FREM3: variants seen among roughly 807,000 people sequenced by gnomAD.
FREM3 encodes the protein FRAS1 related extracellular matrix 3, also known as FRAS1-related extracellular matrix protein 3.
Under a neutral mutation model 129.1 loss-of-function variants are expected in FREM3, and 105 were observed. The observed-to-expected ratio is 0.81, with a 90% CI of 0.69 to 0.96. The LOEUF is 0.96. Among genes scored for constraint, FREM3 ranks in the 40% least tolerant of loss-of-function variants. The probability of loss-of-function intolerance (pLI) is 0.00; values close to 1 mark genes in which losing one functional copy is unlikely to be tolerated. For synonymous variants in FREM3, 1,014 were observed against 1,044.9 expected, an observed-to-expected ratio of 0.97 and a Z score of 0.57; for missense variants, 2,593 against 2,666.3, an observed-to-expected ratio of 0.97 and a Z score of 0.61.
At position 143,700,263 on chromosome 4, in the gene FREM3, C is replaced by CG. The variant is rs1296140123; in HGVS notation, c.412dup (p.Arg138ProfsTer36). Reference sequence around the variant, plus strand: ...GTCGTAGCGCAGCTGCAGCAGCACCCGGGCGCGTCCGGGGCTGTGGGAGCC... The same window carrying CG: ...GTCGTAGCGCAGCTGCAGCAGCACCCGGGGCGCGTCCGGGGCTGTGGGAGCC... On this transcript the variant is annotated frameshift_variant, in exon 1 of 8. Coordinates refer to ENST00000329798, the MANE Select transcript of FREM3 (RefSeq NM_001168235.2). LOFTEE classifies it high-confidence loss of function. 1.3e-6 allele frequency: 2 copies of CG among 1,536,202 alleles called. No homozygotes were observed. Among genetic ancestry groups the CG allele is most frequent in the South Asian group, 2.4e-5 (2 of 84,006 alleles).
At chr4:143,613,594 A>G (rs1738796899) in intron 5 of FREM3, among the ~76,000 whole-genome samples, 1 of 152,238 alleles carries the variant, frequency 6.6e-6, no homozygotes, top group Non-Finnish European at 1.5e-5. Flanking sequence ...GCACACAGAC[A>G]AAGGAAAAAA....
intron 5 of FREM3, among the ~76,000 whole-genome samples, chr4:143,613,587 C>T (rs1430524952): frequency 6.6e-6 from 1 of 152,134 alleles, no homozygotes; most frequent in Admixed American, 6.5e-5. Context: ...GTTCCTGGCA[C>T]ACAGACAAAG....
chr4:143,579,314 A>G (rs1443550558), intron 7 of FREM3, among the ~76,000 whole-genome samples: 2 of 152,118 alleles, frequency 1.3e-5, no homozygotes, highest in Non-Finnish European at 2.9e-5. Flanking sequence ...TTAGCAGGGT[A>G]TGGTGGTGAG....
chr4:143,661,975 TCTC>T (rs1309891808), intron 2 of FREM3, among the ~76,000 whole-genome samples: 1 of 152,088 alleles, frequency 6.6e-6, no homozygotes, highest in Non-Finnish European at 1.5e-5. Context: ...TTGATTCTTC[TCTC>T]TTTTTTTCTT....
At chr4:143,670,682 G>C (rs1183475550) in intron 2 of FREM3, among the ~76,000 whole-genome samples, 1 of 152,070 alleles carries the variant, frequency 6.6e-6, no homozygotes, top group Non-Finnish European at 1.5e-5. Flanking sequence ...CACAATCCCT[G>C]AGTATAGTAG....
At chr4:143,657,977 T>C (rs541562104) in intron 2 of FREM3, among the ~76,000 whole-genome samples, 9 of 152,250 alleles carry the variant, frequency 5.9e-5, no homozygotes, top group African/African-American at 1.9e-4. Context: ...CACATTTATT[T>C]AATAAAAAAA....
intron 2 of FREM3, among the ~76,000 whole-genome samples, chr4:143,671,795 A>C (rs897042113): frequency 2.0e-5 from 3 of 152,232 alleles, no homozygotes; most frequent in African/African-American, 7.2e-5. Flanking sequence ...CTAATTGTTA[A>C]AAATTAAAAT....
At chr4:143,596,917 A>G (rs1417663052) in intron 6 of FREM3, among the ~76,000 whole-genome samples, 2 of 152,118 alleles carry the variant, frequency 1.3e-5, no homozygotes, top group African/African-American at 4.8e-5. Context: ...CAGTCTGAGG[A>G]AAAGAGTGAG....
At chr4:143,603,718 A>G (rs953091974) in intron 6 of FREM3, among the ~76,000 whole-genome samples, 2 of 152,150 alleles carry the variant, frequency 1.3e-5, no homozygotes, top group Non-Finnish European at 2.9e-5. Flanking sequence ...TTAAAATGTA[A>G]CACCTGTCAC....
In FREM3 at chr4:143,585,883, C is replaced by T. The variant is rs370455629; in HGVS notation, c.6139G>A (p.Ala2047Thr). 2.1e-4 allele frequency: 325 copies of T among 1,537,156 alleles called. 1 individual carries two copies. The highest frequency in any genetic ancestry group is 2.7e-4 in the Non-Finnish European group (309 of 1,146,922). ...TGCTCTGACTTTCTGGAGCGCACGG[C>T]GATGGATGATGGTTGGGAAAGATCA... ...GTDLSQPSSIAVRSRKSEQES... is the reference protein window; with the variant it reads ...GTDLSQPSSITVRSRKSEQES... The change falls in exon 7 of 8, where the codon GCC (alanine) becomes ACC (threonine). Residue 2047 changes from alanine to threonine, a missense_variant. By Grantham distance (58) the Ala-to-Thr change is moderately conservative. Coordinates refer to ENST00000329798, the MANE Select transcript of FREM3 (RefSeq NM_001168235.2). This position sits in a 1 kb window ranked among gnomAD's most constrained non-coding sequence, Gnocchi z 4.2.
rs578139752 is a variant in FREM3, at chr4:143,684,383, G to A, written c.5275+8730C>T. Among the ~76,000 whole-genome samples the A allele has an allele frequency of 2.6e-5, 4 of 152,286 alleles. No homozygotes were observed. In the East Asian group the frequency reaches 7.7e-4, roughly 29 times the overall value. On this transcript the variant is annotated intron_variant, in intron 2 of 7. Coordinates refer to ENST00000329798, the MANE Select transcript of FREM3 (RefSeq NM_001168235.2). ...GCCTAGAGCCTGGTAGACTTGCTGG[G>A]TGGCTAGATCCAGAAGGGAGAACAC...
chr4:143,615,641 A>T (rs1560845399), intron 5 of FREM3, among the ~76,000 whole-genome samples: 1 of 152,142 alleles, frequency 6.6e-6, no homozygotes, highest in Non-Finnish European at 1.5e-5. Flanking sequence ...ACTAGAAAAA[A>T]TAATGATTCT....
At position 143,700,117 on chromosome 4, in the gene FREM3, CG is replaced by C; in HGVS notation, c.558del (p.Ala187ProfsTer2). The C allele has an allele frequency of 6.5e-7, 1 of 1,537,006 alleles. No individual in the cohort carries two copies. The highest frequency in any genetic ancestry group is 8.7e-7 in the Non-Finnish European group (1 of 1,146,862). ...LVVEKLRSWS[R>X]AIDRRVLDFA... ...AAGTCCAGCACTCTCCTGTCTATGG[CG>C]CGGCTCCAGCTTCGCAGCTTCTCCA... On this transcript the variant is annotated frameshift_variant, in exon 1 of 8. Transcript: ENST00000329798. LOFTEE classifies it high-confidence loss of function.
intron 5 of FREM3, among the ~76,000 whole-genome samples, chr4:143,612,655 T>C (rs953369151): frequency 9.2e-5 from 14 of 152,266 alleles, no homozygotes; most frequent in African/African-American, 2.9e-4. Context: ...CTAGAATAAA[T>C]ACTTAAGAGT....
intron 2 of FREM3, among the ~76,000 whole-genome samples, chr4:143,662,738 C>T (rs539148016): frequency 6.6e-6 from 1 of 151,906 alleles, no homozygotes; most frequent in Non-Finnish European, 1.5e-5. Context: ...ATAGGTCACT[C>T]AGGACTTGCT....
intron 6 of FREM3, among the ~76,000 whole-genome samples, chr4:143,595,670 G>A (rs1358534901): frequency 2.6e-5 from 4 of 152,024 alleles, no homozygotes; most frequent in South Asian, 2.1e-4. Flanking sequence ...GGCGGATCAC[G>A]AGGTCTGCAG....
At chr4:143,647,096 G>A (rs1739431600) in intron 2 of FREM3, among the ~76,000 whole-genome samples, 1 of 152,210 alleles carries the variant, frequency 6.6e-6, no homozygotes, top group Non-Finnish European at 1.5e-5. Flanking sequence ...GGTTGAGGTG[G>A]TCTCAGATGG....
intron 2 of FREM3, among the ~76,000 whole-genome samples, chr4:143,678,942 A>G (rs1740199144): frequency 6.6e-6 from 1 of 152,206 alleles, no homozygotes; most frequent in African/African-American, 2.4e-5. Flanking sequence ...AAAAACTCTT[A>G]CATGTATAAA....
chr4:143,577,737 T>C lies in FREM3; in HGVS notation c.6294A>G (p.Pro2098=), dbSNP rs1738065454. The C allele has an allele frequency of 6.5e-7, 1 of 1,537,344 alleles. No homozygotes were observed. Among genetic ancestry groups the C allele is most frequent in the Non-Finnish European group, 8.7e-7 (1 of 1,146,928 alleles). ...TCTGAAGAAGTAATTCAAACTTCTC[T>C]GGGCCTTCCAAGGTAGGCTGTCCCA... ...DDLGQPTLEG[P]EKFELLLQMP... is the part of the protein sequence containing the mutation. Residue 2098 remains proline (P), a synonymous_variant, in exon 8 of 8, where the codon CCA becomes CCG. Transcript: ENST00000329798.
Sources: gnomAD v4.1 joint callset for allele counts (sites outside exome capture counted in the v4.1 genomes callset) on GRCh38, gnomAD v4.1.1 for gene constraint, Gnocchi (gnomAD v3.1) non-coding constraint, MANE v1.5 for transcripts, NCBI Gene and HGNC (gene_info 2026-07-23, HGNC 2026-07-21) for gene names.